The following NPAS3 variants were observed in gnomAD, a reference collection of about 807,000 sequenced individuals.
NPAS3 encodes the protein neuronal PAS domain-containing protein 3.
A neutral mutation model predicts 73.1 loss-of-function variants in NPAS3; 14 were observed. The ratio of observed to expected loss-of-function variants is 0.19; its 90% confidence interval spans 0.13 to 0.30. NPAS3 has a LOEUF of 0.30. Ranked by LOEUF, NPAS3 falls within the 10% of genes least tolerant of loss-of-function variation. NPAS3 has a pLI of 1.00. For missense variants in NPAS3, 1,096 were observed against 1,250.0 expected (o/e 0.88, Z 1.86); for synonymous variants, 620 against 541.5 (o/e 1.14, Z -2.01).
chr14:33,735,095 G>A (rs1566481387), intron 6 of NPAS3, 119 bp from the exon 7 acceptor site: 1 of 716,786 alleles, frequency 1.4e-6, no homozygotes, highest in East Asian at 2.5e-5. Flanking sequence ...GATTACTACT[G>A]CTCTTAGCAC....
intron 2 of NPAS3, among the ~76,000 whole-genome samples, chr14:33,091,326 G>A (rs1331836758): frequency 2.6e-5 from 4 of 152,136 alleles, no homozygotes; most frequent in Non-Finnish European, 5.9e-5. Context: ...CGATCCCACA[G>A]AAATACAAAC....
intron 5 of NPAS3, among the ~76,000 whole-genome samples, chr14:33,645,347 G>A (rs2058799613): frequency 6.6e-6 from 1 of 152,090 alleles, no homozygotes; most frequent in South Asian, 2.1e-4. Context: ...AAGCACAACA[G>A]ATTTTCCTTG....
chr14:33,223,846 A>T (rs201521999), intron 3 of NPAS3, among the ~76,000 whole-genome samples: 2 of 151,882 alleles, frequency 1.3e-5, no homozygotes, highest in South Asian at 2.1e-4. Context: ...CAAAAAAAAA[A>T]ATTTTTTTTT....
chr14:32,971,360 C>T (rs2037416659), intron 1 of NPAS3, among the ~76,000 whole-genome samples: 1 of 152,170 alleles, frequency 6.6e-6, no homozygotes, highest in South Asian at 2.1e-4. Context: ...GCTGGGATTA[C>T]AGGTGTGAGC....
intron 3 of NPAS3, among the ~76,000 whole-genome samples, chr14:33,285,103 T>C (rs1303405265): frequency 6.6e-6 from 1 of 152,140 alleles, no homozygotes. Flanking sequence ...CATAGTCATA[T>C]GGAAAATGAG....
intron 7 of NPAS3, among the ~76,000 whole-genome samples, chr14:33,764,857 T>A (rs2062410916): frequency 6.6e-6 from 1 of 152,252 alleles, no homozygotes; most frequent in Non-Finnish European, 1.5e-5. Flanking sequence ...CAGTTCAGCC[T>A]TCTTGCTTTG....
chr14:33,079,229 C>G (rs1439214243), intron 2 of NPAS3, among the ~76,000 whole-genome samples: 1 of 152,132 alleles, frequency 6.6e-6, no homozygotes, highest in African/African-American at 2.4e-5. Context: ...CTTTCCTCCT[C>G]CATGTAGAAC....
At chr14:33,424,760 T>G (rs916209217) in intron 4 of NPAS3, among the ~76,000 whole-genome samples, 1 of 151,594 alleles carries the variant, frequency 6.6e-6, no homozygotes, top group Non-Finnish European at 1.5e-5. Flanking sequence ...GTGAGCTCCA[T>G]TGGATCATAT....
intron 1 of NPAS3, among the ~76,000 whole-genome samples, chr14:32,942,603 CAGAG>C (rs2036067246): frequency 1.3e-5 from 2 of 152,114 alleles, no homozygotes; most frequent in African/African-American, 4.8e-5. Flanking sequence ...AAAAATTAGA[CAGAG>C]AGAAGTGTCA....
At chr14:33,508,332 T>C (rs1252177563) in intron 4 of NPAS3, among the ~76,000 whole-genome samples, 1 of 152,014 alleles carries the variant, frequency 6.6e-6, no homozygotes, top group African/African-American at 2.4e-5. Flanking sequence ...ACCAAATGCC[T>C]GAAGAGGTGA....
At chr14:33,152,791 T>G (rs569177407) in intron 2 of NPAS3, among the ~76,000 whole-genome samples, 2 of 152,180 alleles carry the variant, frequency 1.3e-5, no homozygotes, top group Non-Finnish European at 2.9e-5. Context: ...TAATGTGGTG[T>G]GAATTTACTT....
intron 7 of NPAS3, among the ~76,000 whole-genome samples, chr14:33,763,611 G>T (rs1474483516): frequency 6.6e-6 from 1 of 152,204 alleles, no homozygotes; most frequent in Admixed American, 6.5e-5. Context: ...GGAGGTCCTT[G>T]CCATCAAACA....
intron 3 of NPAS3, among the ~76,000 whole-genome samples, chr14:33,266,367 A>G (rs1232610341): frequency 1.3e-5 from 2 of 152,188 alleles, no homozygotes; most frequent in Non-Finnish European, 2.9e-5. Context: ...GGAGACTAAA[A>G]TAGAATAATT....
Position 33,073,785 on chromosome 14 carries a change from G to A in NPAS3, c.140+17791G>A, listed in dbSNP as rs1460855764. On this transcript the variant is annotated intron_variant, in intron 2 of 11. Transcript: ENST00000356141. ...GAAGTATTTGGGCCAAAGAATAATG[G>A]AATGTGTGGGATTTTTGTAACCTCT... Among the ~76,000 whole-genome samples, 6 of 152,204 alleles carry A rather than the reference G, an allele frequency of 3.9e-5. No individual in the cohort carries two copies. In the East Asian group the frequency reaches 1.2e-3, roughly 29 times the overall value.
At chr14:33,531,323 A>C (rs77194198) in intron 4 of NPAS3, among the ~76,000 whole-genome samples, 3,441 of 152,252 alleles carry the variant, frequency 0.023, 129 homozygotes, top group African/African-American at 0.078. Flanking sequence ...AAAGTGCCAT[A>C]ATTCCAAAGA....
chr14:33,224,538 T>A (rs527575714), intron 3 of NPAS3, among the ~76,000 whole-genome samples: 2 of 152,178 alleles, frequency 1.3e-5, no homozygotes, highest in East Asian at 3.9e-4. Context: ...AATAGATATT[T>A]TTTTTGTTAA....
intron 5 of NPAS3, among the ~76,000 whole-genome samples, chr14:33,631,199 A>G (rs1004053740): frequency 3.9e-5 from 6 of 152,322 alleles, no homozygotes; most frequent in African/African-American, 1.4e-4. Context: ...ATCACAAACT[A>G]ATGATCTCCA....
At chr14:33,249,874 T>C (rs2048517412) in intron 3 of NPAS3, among the ~76,000 whole-genome samples, 1 of 151,804 alleles carries the variant, frequency 6.6e-6, no homozygotes, top group Non-Finnish European at 1.5e-5. Context: ...ACTCAGTCCC[T>C]CTATTGTAAC....
At chr14:33,041,799 A>G (rs2138419899) in intron 1 of NPAS3, among the ~76,000 whole-genome samples, 1 of 152,238 alleles carries the variant, frequency 6.6e-6, no homozygotes, top group Non-Finnish European at 1.5e-5. Flanking sequence ...CATGTTTTGG[A>G]AAACAGGAAT....
Sources: gnomAD v4.1 joint callset for allele counts (sites outside exome capture counted in the v4.1 genomes callset) on GRCh38, gnomAD v4.1.1 for gene constraint, MANE v1.5 for transcripts, NCBI Gene and HGNC (gene_info 2026-07-23, HGNC 2026-07-21) for gene names.